The following GALNT14 variants were observed in gnomAD, a reference collection of about 807,000 sequenced individuals.
The protein encoded by GALNT14 is polypeptide N-acetylgalactosaminyltransferase 14.
GALNT14 carries 60 observed loss-of-function variants against 77.5 expected under a neutral mutation model. That is an observed-to-expected ratio of 0.77 (90% CI 0.63 to 0.96). The LOEUF is 0.96. Ranked by LOEUF, GALNT14 falls within the 40% of genes least tolerant of loss-of-function variation. The probability of loss-of-function intolerance (pLI) is 0.00; values close to 1 mark genes in which losing one functional copy is unlikely to be tolerated. For missense variants in GALNT14, 710 were observed against 731.0 expected, an observed-to-expected ratio of 0.97 and a Z score of 0.33; for synonymous variants, 280 against 281.7, an observed-to-expected ratio of 0.99 and a Z score of 0.06.
intron 1 of GALNT14, among the ~76,000 whole-genome samples, chr2:31,062,210 C>T (rs1177684857): frequency 1.3e-5 from 2 of 152,176 alleles, no homozygotes; most frequent in Non-Finnish European, 2.9e-5. Context: ...CTCTCCCTCC[C>T]TTTGACCCCC....
intron 13 of GALNT14, among the ~76,000 whole-genome samples, chr2:30,918,720 GGGCAGGGAGGGGGGTATCA>G (rs1422573774): frequency 9.1e-5 from 12 of 132,536 alleles, no homozygotes; most frequent in East Asian, 2.2e-4. Flanking sequence ...GGGTGGCATC[GGGCAGGGAGGGGGGTATCA>G]GGCAGGGAGG....
At chr2:30,889,595 C>A in the GALNT14 span, among the ~76,000 whole-genome samples, 109 of 152,350 alleles carry the variant, frequency 7.2e-4, no homozygotes, top group African/African-American at 2.5e-3. Flanking sequence ...CATCCTTCAT[C>A]TCTCCATTTT....
the GALNT14 span, among the ~76,000 whole-genome samples, chr2:30,895,888 T>A: frequency 6.6e-6 from 1 of 152,156 alleles, no homozygotes; most frequent in Non-Finnish European, 1.5e-5. Context: ...ATATAGCAGG[T>A]GTCTGGTAAA....
At chr2:31,069,780 T>C (rs922140894) in intron 1 of GALNT14, among the ~76,000 whole-genome samples, 4 of 152,134 alleles carry the variant, frequency 2.6e-5, no homozygotes, top group African/African-American at 7.2e-5. Flanking sequence ...CGAGATGGAT[T>C]TCCTTTTAAA....
At chr2:30,892,281 A>G in the GALNT14 span, among the ~76,000 whole-genome samples, 111 of 152,334 alleles carry the variant, frequency 7.3e-4, no homozygotes, top group African/African-American at 2.4e-3. Context: ...ATGCCATCTA[A>G]CAATCAAAGA....
intron 1 of GALNT14, among the ~76,000 whole-genome samples, chr2:31,061,356 T>A (rs1674579713): frequency 6.6e-6 from 1 of 152,128 alleles, no homozygotes; most frequent in South Asian, 2.1e-4. Context: ...TAATTTTACT[T>A]CCAAAATCTC....
intron 1 of GALNT14, among the ~76,000 whole-genome samples, chr2:31,028,064 A>G (rs957564934): frequency 1.3e-5 from 2 of 152,148 alleles, no homozygotes; most frequent in African/African-American, 4.8e-5. Flanking sequence ...CCTTAACCCC[A>G]TCTTTAATGC....
At chr2:31,129,079 A>C (rs1438693132) in intron 1 of GALNT14, among the ~76,000 whole-genome samples, 5 of 152,202 alleles carry the variant, frequency 3.3e-5, no homozygotes, top group African/African-American at 1.2e-4. Context: ...TATAACATAC[A>C]CATATATATT....
intron 1 of GALNT14, among the ~76,000 whole-genome samples, chr2:31,056,072 CA>C (rs1163895468): frequency 2.0e-5 from 3 of 152,240 alleles, no homozygotes; most frequent in Non-Finnish European, 4.4e-5. Flanking sequence ...GGTTCTCAAA[CA>C]TCCGTGTGCC....
intron 1 of GALNT14, chr2:31,114,915 C>A: frequency 3.0e-6 from 2 of 663,018 alleles, no homozygotes; most frequent in South Asian, 3.5e-5. Context: ...TGACTTCAGT[C>A]ATACACCATC....
intron 13 of GALNT14, among the ~76,000 whole-genome samples, chr2:30,917,944 C>A (rs1381757611): frequency 6.6e-6 from 1 of 152,226 alleles, no homozygotes; most frequent in Non-Finnish European, 1.5e-5. Flanking sequence ...TTCAAATGAA[C>A]TGCCCTCGTG....
At chr2:31,137,548 G>A (rs1478721281) in intron 1 of GALNT14, among the ~76,000 whole-genome samples, 2 of 152,062 alleles carry the variant, frequency 1.3e-5, no homozygotes, top group Non-Finnish European at 2.9e-5. Flanking sequence ...TGGCAGCTGC[G>A]GGAAGGAGGT....
chr2:31,048,118 G>A (rs1025769569), intron 1 of GALNT14, among the ~76,000 whole-genome samples: 3 of 152,234 alleles, frequency 2.0e-5, no homozygotes, highest in Admixed American at 6.5e-5. Flanking sequence ...AGTGAAAAGG[G>A]CCAGACCCGA....
chr2:31,055,526 A>T (rs1286480982), intron 1 of GALNT14, among the ~76,000 whole-genome samples: 1 of 152,350 alleles, frequency 6.6e-6, no homozygotes, highest in South Asian at 2.1e-4. Context: ...TTATGCTGTT[A>T]TCTAATCTCT....
chr2:30,927,206 C>T (rs1665442061), intron 11 of GALNT14, among the ~76,000 whole-genome samples: 1 of 152,106 alleles, frequency 6.6e-6, no homozygotes, highest in South Asian at 2.1e-4. Context: ...CCAGGCCACA[C>T]CCCAGAGCAA....
intron 1 of GALNT14, among the ~76,000 whole-genome samples, chr2:31,136,044 G>A (rs761295114): frequency 6.6e-5 from 10 of 152,126 alleles, no homozygotes; most frequent in South Asian, 2.1e-4. Flanking sequence ...TGTCCCTGCA[G>A]GTATCATTAA....
intron 1 of GALNT14, among the ~76,000 whole-genome samples, chr2:31,110,665 G>A (rs907741566): frequency 1.3e-5 from 2 of 152,130 alleles, no homozygotes; most frequent in African/African-American, 4.8e-5. Flanking sequence ...CTTGGTTCTT[G>A]GGCAAGCCAT....
At chr2:31,126,650 C>T (rs1678717975) in intron 1 of GALNT14, 1 of 152,190 alleles carries the variant, frequency 6.6e-6, no homozygotes, top group Non-Finnish European at 1.5e-5. Flanking sequence ...ACTCACATCA[C>T]ATAATTCTAT....
At chr2:30,942,833 CT>C (rs956842426) in intron 8 of GALNT14, among the ~76,000 whole-genome samples, 1 of 152,134 alleles carries the variant, frequency 6.6e-6, no homozygotes, top group African/African-American at 2.4e-5. Context: ...GGTTGAATTC[CT>C]TCTTAAAAAG....
Sources: allele counts gnomAD v4.1 joint callset (sites outside exome capture counted in the v4.1 genomes callset), GRCh38; gene constraint gnomAD v4.1.1; transcripts MANE v1.5; gene names NCBI Gene and HGNC (gene_info 2026-07-23, HGNC 2026-07-21).